SLC27A2: variants seen among roughly 807,000 people sequenced by gnomAD.
SLC27A2 encodes the protein solute carrier family 27 member 2, also known as long-chain fatty acid transport protein 2.
Under a neutral mutation model 60.0 loss-of-function variants are expected in SLC27A2, and 54 were observed. That is an observed-to-expected ratio of 0.90 (90% confidence interval 0.72 to 1.13). SLC27A2 has a LOEUF of 1.13. Among genes scored for constraint, SLC27A2 ranks in the 50% most tolerant of loss-of-function variants. The pLI, the probability that SLC27A2 is intolerant of heterozygous loss-of-function variation, is 0.00. For synonymous variants in SLC27A2, 297 were observed against 297.6 expected, an observed-to-expected ratio of 1.00 and a Z score of 0.02; for missense variants, 739 against 777.6, an observed-to-expected ratio of 0.95 and a Z score of 0.59.
At chr15:50,234,977 G>A (rs1431183846) in intron 9 of SLC27A2, among the ~76,000 whole-genome samples, 1 of 151,458 alleles carries the variant, frequency 6.6e-6, no homozygotes, top group Non-Finnish European at 1.5e-5. Context: ...ACCTTTCTGT[G>A]GTGTGAAATT....
intron 7 of SLC27A2, among the ~76,000 whole-genome samples, chr15:50,227,511 A>T (rs1247519389): frequency 1.3e-5 from 2 of 152,176 alleles, no homozygotes; most frequent in Non-Finnish European, 2.9e-5. Flanking sequence ...CTTTCCAATC[A>T]TGGAGGTGTT....
intron 4 of SLC27A2, among the ~76,000 whole-genome samples, chr15:50,216,610 G>GTGTGTGTGTGTGTATA (rs1323910367): frequency 1.1e-4 from 7 of 66,482 alleles, no homozygotes; most frequent in Non-Finnish European, 1.8e-4. Flanking sequence ...GTGTGTGTGT[G>GTGTGTGTGTGTGTATA]TATATATATA....
chr15:50,187,600 G>A (rs1464020389), intron 1 of SLC27A2, among the ~76,000 whole-genome samples: 2 of 152,094 alleles, frequency 1.3e-5, no homozygotes, highest in Non-Finnish European at 2.9e-5. Context: ...ACAGCCATGC[G>A]AGGCTCCCAC....
rs1450502747 is a variant in SLC27A2, at chr15:50,197,647, C to T, written c.626C>T (p.Ser209Leu). ...GTATCAACTGAACCTATCCCAGAGT[C>T]ATGGAGGTCTGAAGTCACTTTTTCC... is the stretch of plus-strand genomic sequence containing the variant. ...DEVSTEPIPE[S>L]WRSEVTFSTP... is the part of the protein sequence containing the mutation. The change falls in exon 2 of 10, where the codon TCA (serine) becomes TTA (leucine). Residue 209 changes from serine (S) to leucine (L), a missense_variant. Transcript: ENST00000267842. 6.2e-7 allele frequency: 1 copy of T among 1,614,034 alleles called. No individual in the cohort carries two copies. The highest frequency in any genetic ancestry group is 1.1e-5 in the South Asian group (1 of 91,072).
chr15:50,214,447 G>A (rs2045180684), intron 4 of SLC27A2, among the ~76,000 whole-genome samples: 1 of 151,980 alleles, frequency 6.6e-6, no homozygotes, highest in Admixed American at 6.6e-5. Flanking sequence ...GAGAAAGAAG[G>A]AACCCTCCCT....
Position 50,182,715 on chromosome 15 carries a change from C to T in SLC27A2, c.288C>T (p.His96=), listed in dbSNP as rs1302191593. The T allele has an allele frequency of 1.9e-6, 3 of 1,613,748 alleles. No individual in the cohort carries two copies. Among genetic ancestry groups the T allele is most frequent in the Admixed American group, 1.7e-5 (1 of 59,998 alleles). The change falls in exon 1 of 10, where the codon CAC becomes CAT. Residue 96 remains histidine, a synonymous_variant. Coordinates refer to ENST00000267842, the MANE Select transcript of SLC27A2 (RefSeq NM_003645.4). ...RRSNQVARAL[H]DHLGLRQGDC... ...GCAATCAAGTGGCCCGGGCGCTGCA[C>T]GACCACCTCGGCCTGCGCCAGGGAG...
chr15:50,189,023 ATAG>A, intron 1 of SLC27A2, among the ~76,000 whole-genome samples: 1 of 151,848 alleles, frequency 6.6e-6, no homozygotes, highest in South Asian at 2.1e-4. Context: ...AGATAGATAG[ATAG>A]ATGCATACAA....
intron 2 of SLC27A2, among the ~76,000 whole-genome samples, chr15:50,198,068 T>C (rs1460571213): frequency 6.6e-6 from 1 of 152,224 alleles, no homozygotes; most frequent in East Asian, 1.9e-4. Context: ...GTATAATTGA[T>C]TATAAATGGA....
At chr15:50,199,683 C>T (rs1595683365) in intron 2 of SLC27A2, among the ~76,000 whole-genome samples, 1 of 151,912 alleles carries the variant, frequency 6.6e-6, no homozygotes, top group Admixed American at 6.6e-5. Context: ...AATCTCAGAA[C>T]TTTGGGAGGC....
At chr15:50,196,250 T>C (rs2045022909) in intron 1 of SLC27A2, among the ~76,000 whole-genome samples, 1 of 150,434 alleles carries the variant, frequency 6.6e-6, no homozygotes, top group Non-Finnish European at 1.5e-5. Flanking sequence ...ATTAAATCGG[T>C]GCCTTTAACA....
chr15:50,226,403 G>A (rs1260992331), intron 6 of SLC27A2, among the ~76,000 whole-genome samples: 1 of 152,154 alleles, frequency 6.6e-6, no homozygotes. Flanking sequence ...TTGTGTAAGT[G>A]TGCATAAATC....
rs1337105912 is a variant in SLC27A2 at position 50,226,080 on chromosome 15, T to C, written c.1258+2T>C. ...GATATTGCGTCAGAGTTCCCAAAGG[T>C]ACAGTGGACTTTTGTTCAATCAACC... On this transcript the variant is annotated splice_donor_variant, in intron 6 of 9. Transcript: ENST00000267842. LOFTEE classifies it high-confidence loss of function. The C allele has an allele frequency of 6.3e-7, 1 of 1,592,034 alleles. No homozygotes were observed. Among genetic ancestry groups the C allele is most frequent in the East Asian group, 2.2e-5 (1 of 44,750 alleles).
At chr15:50,192,803 AAG>A (rs2044985114) in intron 1 of SLC27A2, among the ~76,000 whole-genome samples, 1 of 149,318 alleles carries the variant, frequency 6.7e-6, no homozygotes. Flanking sequence ...AAAAAAAAAG[AAG>A]AAGAAGTACA....
chr15:50,188,824 G>A (rs1042608405), intron 1 of SLC27A2, among the ~76,000 whole-genome samples: 3 of 152,120 alleles, frequency 2.0e-5, no homozygotes, highest in African/African-American at 7.2e-5. Flanking sequence ...GTCGGGCATG[G>A]TGGCGGGCAT....
intron 4 of SLC27A2, among the ~76,000 whole-genome samples, chr15:50,220,672 G>A (rs2045235769): frequency 6.6e-6 from 1 of 152,196 alleles, no homozygotes; most frequent in South Asian, 2.1e-4. Context: ...GTGGGAGGGG[G>A]TGGTCTCTGA....
chr15:50,194,131 G>A (rs2044995520), intron 1 of SLC27A2, among the ~76,000 whole-genome samples: 1 of 152,138 alleles, frequency 6.6e-6, no homozygotes, highest in Non-Finnish European at 1.5e-5. Flanking sequence ...GGGAGACAGA[G>A]CAGGACCCTG....
At chr15:50,183,612 G>T (rs1030131118) in intron 1 of SLC27A2, among the ~76,000 whole-genome samples, 4 of 152,184 alleles carry the variant, frequency 2.6e-5, no homozygotes, top group African/African-American at 9.7e-5. Flanking sequence ...AGCCAGACTT[G>T]AAACAGTAAC....
chr15:50,211,946 C>A (rs1053501525), intron 4 of SLC27A2, among the ~76,000 whole-genome samples: 5 of 151,374 alleles, frequency 3.3e-5, no homozygotes, highest in Admixed American at 2.6e-4. Context: ...TGGCAGGCAC[C>A]TGTAGTCCCA....
intron 1 of SLC27A2, among the ~76,000 whole-genome samples, chr15:50,183,904 A>G (rs140107220): frequency 2.7e-5 from 4 of 146,960 alleles, no homozygotes; most frequent in Non-Finnish European, 3.0e-5. Context: ...TATCCCCACC[A>G]CCACCACCAC....
Sources: allele counts gnomAD v4.1 joint callset (sites outside exome capture counted in the v4.1 genomes callset), GRCh38; gene constraint gnomAD v4.1.1; transcripts MANE v1.5; gene names NCBI Gene and HGNC (gene_info 2026-07-23, HGNC 2026-07-21).